The following GNB4 variants were observed in gnomAD, a reference collection of about 807,000 sequenced individuals.
The protein encoded by GNB4 is G protein subunit beta 4.
In GNB4, 28 loss-of-function variants were observed where a neutral mutation model predicts 45.2. That is an observed-to-expected ratio of 0.62 (90% CI 0.46 to 0.85). GNB4 has a LOEUF of 0.85. Ranked by LOEUF, GNB4 falls within the 40% of genes least tolerant of loss-of-function variation. GNB4 has a pLI of 0.00. For missense variants in GNB4, 321 were observed against 425.4 expected, an observed-to-expected ratio of 0.75 and a Z score of 2.16; for synonymous variants, 132 against 143.7, an observed-to-expected ratio of 0.92 and a Z score of 0.58.
chr3:179,446,838 G>A (rs1178198048), intron 1 of GNB4, among the ~76,000 whole-genome samples: 3 of 152,136 alleles, frequency 2.0e-5, no homozygotes, highest in Admixed American at 2.0e-4. Flanking sequence ...CATTTGAAAC[G>A]GCATTAGCTA....
intron 6 of GNB4, 102 bp downstream of exon 6, chr3:179,414,783 C>A: frequency 1.2e-6 from 1 of 858,776 alleles, no homozygotes; most frequent in African/African-American, 1.7e-5. Context: ...CCCGATTAAT[C>A]CTCATCCTTT....
the GNB4 span, among the ~76,000 whole-genome samples, chr3:179,512,675 G>T: frequency 6.6e-6 from 1 of 152,156 alleles, no homozygotes; most frequent in Non-Finnish European, 1.5e-5. Context: ...ATTCATTTCT[G>T]CTTTGTGCTC....
Position 179,418,481 on chromosome 3 carries a change from AAAAAAAAG to A in GNB4, c.203+910_203+917del, listed in dbSNP as rs1180370870. Among the ~76,000 whole-genome samples, 8 of 142,784 alleles carry A rather than the reference AAAAAAAAG, an allele frequency of 5.6e-5. 1 individual carries two copies. Among genetic ancestry groups the A allele is most frequent in the Non-Finnish European group, 9.6e-5 (6 of 62,302 alleles). 93.7% of individuals were successfully genotyped at this position (142,784 alleles called of 152,430 possible). The stretch of plus-strand genomic sequence containing the variant: ...GTGAAACTCTGTCTCAAAAAAAAAA[AAAAAAAAG>A]AAAAAAGAAAAGAAAAAGAAAAAGA... On this transcript the variant is annotated intron_variant, in intron 4 of 9. Transcript: ENST00000232564.
the GNB4 span, among the ~76,000 whole-genome samples, chr3:179,489,630 G>A: frequency 6.6e-6 from 1 of 152,014 alleles, no homozygotes; most frequent in Non-Finnish European, 1.5e-5. Context: ...GACAAAGTGA[G>A]ACCCTATCTC....
At chr3:179,434,362 T>C (rs1384237210) in intron 1 of GNB4, among the ~76,000 whole-genome samples, 1 of 152,138 alleles carries the variant, frequency 6.6e-6, no homozygotes, top group Non-Finnish European at 1.5e-5. Flanking sequence ...GAGACACACA[T>C]TGGCATCATA....
chr3:179,527,786 A>ATGTGTGTGTGTGTGTGTGTG, the GNB4 span, among the ~76,000 whole-genome samples: 1 of 124,826 alleles, frequency 8.0e-6, no homozygotes, highest in South Asian at 3.2e-4. Context: ...GCGTGTGTGT[A>ATGTGTGTGTGTGTGTGTGTG]TGTATGTGTG....
chr3:179,405,501 T>A (rs942758731), intron 8 of GNB4, 95 bp from the exon 9 acceptor site: 10 of 847,598 alleles, frequency 1.2e-5, no homozygotes, highest in Admixed American at 2.7e-5. Flanking sequence ...ATATTCCAAC[T>A]TGGCTACCTA....
chr3:179,448,353 T>C (rs116662955), intron 1 of GNB4, among the ~76,000 whole-genome samples: 1,805 of 152,308 alleles, frequency 0.012, 24 homozygotes, highest in African/African-American at 0.042. Flanking sequence ...AATCCTATAA[T>C]GCACACAAAA....
the GNB4 span, among the ~76,000 whole-genome samples, chr3:179,515,980 A>G: frequency 6.6e-6 from 1 of 152,194 alleles, no homozygotes; most frequent in African/African-American, 2.4e-5. Context: ...ACTAAATGCA[A>G]GACACAGGGT....
intron 1 of GNB4, among the ~76,000 whole-genome samples, chr3:179,442,653 G>A (rs1032371117): frequency 6.6e-6 from 1 of 151,542 alleles, no homozygotes; most frequent in African/African-American, 2.4e-5. Context: ...ATGGGGTCTT[G>A]TTCTGTCGCC....
chr3:179,490,267 A>T, the GNB4 span, among the ~76,000 whole-genome samples: 2 of 152,222 alleles, frequency 1.3e-5, no homozygotes, highest in African/African-American at 4.8e-5. Context: ...GACAGTGCCA[A>T]ACTCAGAAGT....
intron 2 of GNB4, 69 bp downstream of exon 2, chr3:179,426,075 C>G: frequency 8.0e-7 from 1 of 1,249,896 alleles, no homozygotes; most frequent in South Asian, 1.3e-5. Flanking sequence ...GACTGATAAA[C>G]TAATAGGCAA....
chr3:179,474,707 T>C, the GNB4 span, among the ~76,000 whole-genome samples: 3 of 151,176 alleles, frequency 2.0e-5, no homozygotes, highest in Admixed American at 2.0e-4. Context: ...GTCTGTTTTG[T>C]GTTGCTGTAA....
At chr3:179,410,143 A>C (rs759707569) in intron 8 of GNB4, among the ~76,000 whole-genome samples, 1 of 152,216 alleles carries the variant, frequency 6.6e-6, no homozygotes, top group South Asian at 2.1e-4. Flanking sequence ...AGCCATGCAG[A>C]ACTGTGAGTC....
At chr3:179,430,882 GAAC>G (rs1281697788) in intron 1 of GNB4, among the ~76,000 whole-genome samples, 1 of 151,982 alleles carries the variant, frequency 6.6e-6, no homozygotes, top group Non-Finnish European at 1.5e-5. Context: ...GAGAAAGACT[GAAC>G]AACCCTAATA....
At chr3:179,523,334 G>C in the GNB4 span, among the ~76,000 whole-genome samples, 1 of 152,150 alleles carries the variant, frequency 6.6e-6, no homozygotes, top group Non-Finnish European at 1.5e-5. Flanking sequence ...TGGGTGTCAG[G>C]GTCAGTCTAA....
At position 179,399,572 on chromosome 3, in the gene GNB4, TTGGTCC is replaced by T. The variant is rs2108573138; in HGVS notation, c.*1635_*1640del. The T allele has an allele frequency of 2.0e-5, 3 of 152,344 alleles. No homozygotes were observed. The highest frequency in any genetic ancestry group is 7.2e-5 in the African/African-American group (3 of 41,578). The allele number at this position is 152,344 out of a possible 1,614,324, so 9.4% of individuals were successfully genotyped here. The stretch of plus-strand genomic sequence containing the variant: ...TAACTGCCATCTACAATATTCTGTT[TTGGTCC>T]TATATCTTAATTTGCCTTTATCCAC... On this transcript the variant is annotated 3_prime_UTR_variant, in exon 10 of 10. Coordinates refer to ENST00000232564, the MANE Select transcript of GNB4 (RefSeq NM_021629.4).
At chr3:179,445,530 C>T (rs1715699656) in intron 1 of GNB4, among the ~76,000 whole-genome samples, 1 of 152,186 alleles carries the variant, frequency 6.6e-6, no homozygotes, top group Non-Finnish European at 1.5e-5. Flanking sequence ...AAGCAATCTG[C>T]CTGCCTCAGC....
chr3:179,449,636 G>C (rs1715819845), intron 1 of GNB4, among the ~76,000 whole-genome samples: 1 of 152,198 alleles, frequency 6.6e-6, no homozygotes, highest in Admixed American at 6.5e-5. Flanking sequence ...TGTGGAAGTA[G>C]ATAATGGTGT....
Sources: allele counts gnomAD v4.1 joint callset (sites outside exome capture counted in the v4.1 genomes callset), GRCh38; gene constraint gnomAD v4.1.1; transcripts MANE v1.5; gene names NCBI Gene and HGNC (gene_info 2026-07-23, HGNC 2026-07-21).